TMEM163: variants seen among roughly 807,000 people sequenced by gnomAD.
TMEM163 encodes transmembrane protein 163.
A neutral mutation model predicts 29.3 loss-of-function variants in TMEM163; 17 were observed. The observed-to-expected ratio is 0.58, with a 90% CI of 0.40 to 0.87. The LOEUF (loss-of-function observed/expected upper bound fraction) is 0.87, where lower values mean the gene tolerates loss of function less well. Ranked by LOEUF, TMEM163 falls within the 40% of genes least tolerant of loss-of-function variation. The pLI is 0.00. For synonymous variants in TMEM163, 157 were observed against 160.6 expected (o/e 0.98, Z 0.17); for missense variants, 303 against 381.5 (o/e 0.79, Z 1.71).
At chr2:134,578,641 A>G (rs1209127419) in intron 2 of TMEM163, among the ~76,000 whole-genome samples, 1 of 152,218 alleles carries the variant, frequency 6.6e-6, no homozygotes, top group Admixed American at 6.5e-5. Context: ...AATACTAACA[A>G]GCAGCTGTGA....
intron 2 of TMEM163, among the ~76,000 whole-genome samples, chr2:134,682,986 C>T (rs1273731547): frequency 5.3e-5 from 8 of 152,038 alleles, no homozygotes; most frequent in Non-Finnish European, 1.0e-4. Context: ...GAACCGTAAA[C>T]GCATATTGCA....
At position 134,466,095 on chromosome 2, in the gene TMEM163, G is replaced by A. The variant is rs779435400; in HGVS notation, c.667+19C>T. On this transcript the variant is annotated intron_variant, in intron 6 of 7. Transcript: ENST00000281924. ...TGTGAGCCCAGCCCCCAGAGATTAG[G>A]CACCCTGGCCTTACTCACCATCTGT... 6.3e-7 allele frequency: 1 copy of A among 1,582,708 alleles called. No individual in the cohort carries two copies. The highest frequency in any genetic ancestry group is 8.6e-7 in the Non-Finnish European group (1 of 1,156,610).
At chr2:134,482,030 T>C (rs1679203924) in intron 5 of TMEM163, among the ~76,000 whole-genome samples, 2 of 152,178 alleles carry the variant, frequency 1.3e-5, no homozygotes, top group African/African-American at 2.4e-5. Context: ...TGAGCATCTG[T>C]AAATAAAATT....
At chr2:134,595,123 T>TTATTTTTATTTATA (rs1682042021) in intron 2 of TMEM163, among the ~76,000 whole-genome samples, 1 of 151,808 alleles carries the variant, frequency 6.6e-6, no homozygotes, top group Non-Finnish European at 1.5e-5. Context: ...TATATATATT[T>TTATTTTTATTTATA]TTTATTACAC....
intron 4 of TMEM163, among the ~76,000 whole-genome samples, chr2:134,512,431 C>A (rs1471845524): frequency 6.6e-6 from 1 of 152,184 alleles, no homozygotes; most frequent in East Asian, 1.9e-4. Flanking sequence ...TGCACTCTAG[C>A]CTGGGCAACA....
intron 5 of TMEM163, among the ~76,000 whole-genome samples, chr2:134,490,729 A>G (rs559114222): frequency 6.6e-6 from 1 of 152,308 alleles, no homozygotes; most frequent in African/African-American, 2.4e-5. Context: ...CATGGCTCCT[A>G]TGATAGATGG....
intron 2 of TMEM163, among the ~76,000 whole-genome samples, chr2:134,575,716 GA>G (rs1681537105): frequency 1.3e-5 from 2 of 152,172 alleles, no homozygotes; most frequent in South Asian, 4.1e-4. Context: ...TCCTAAACAG[GA>G]TCTGGTTTCA....
At chr2:134,461,230 A>G (rs1686527672) in intron 6 of TMEM163, among the ~76,000 whole-genome samples, 6 of 152,236 alleles carry the variant, frequency 3.9e-5, no homozygotes, top group Non-Finnish European at 1.5e-5. Context: ...CATCCTGATT[A>G]CAGCTCCACC....
intron 5 of TMEM163, chr2:134,467,512 C>T (rs994754147): frequency 4.6e-5 from 7 of 152,218 alleles, no homozygotes; most frequent in African/African-American, 1.7e-4. Context: ...AATCCATAAC[C>T]TCATTTTAAC....
At position 134,569,398 on chromosome 2, in the gene TMEM163, C is replaced by T. The variant is rs201203598; in HGVS notation, c.323-17307G>A. 4.6e-5 allele frequency among the ~76,000 whole-genome samples: 7 copies of T among 152,258 alleles called. No individual in the cohort carries two copies. In the East Asian group the frequency reaches 1.2e-3, roughly 25 times the overall value. On this transcript the variant is annotated intron_variant, in intron 2 of 7. Transcript: ENST00000281924. ...CACCCCCACATCATTTCAATCAGAA[C>T]GACTTCTTTATCATTTCCATTAGGA...
intron 4 of TMEM163, among the ~76,000 whole-genome samples, chr2:134,543,838 T>C (rs927172276): frequency 1.3e-5 from 2 of 152,236 alleles, no homozygotes; most frequent in African/African-American, 2.4e-5. Context: ...AAAGGACTTA[T>C]GCCTCTCTCA....
intron 4 of TMEM163, among the ~76,000 whole-genome samples, chr2:134,546,978 C>A (rs1453685839): frequency 6.6e-6 from 1 of 152,048 alleles, no homozygotes; most frequent in Non-Finnish European, 1.5e-5. Flanking sequence ...TATGAAGTAT[C>A]TAAAGCAGTC....
intron 5 of TMEM163, among the ~76,000 whole-genome samples, chr2:134,502,348 G>A (rs957520212): frequency 6.6e-6 from 1 of 152,146 alleles, no homozygotes; most frequent in African/African-American, 2.4e-5. Context: ...CACTCATAAG[G>A]GGAGGGAGGG....
At chr2:134,644,532 A>G (rs1184103218) in intron 2 of TMEM163, among the ~76,000 whole-genome samples, 3 of 152,188 alleles carry the variant, frequency 2.0e-5, no homozygotes, top group Non-Finnish European at 4.4e-5. Context: ...TGTTAGAACA[A>G]CCAAACATTC....
intron 5 of TMEM163, among the ~76,000 whole-genome samples, chr2:134,470,381 C>T (rs1238433061): frequency 1.3e-5 from 2 of 150,678 alleles, no homozygotes; most frequent in African/African-American, 2.4e-5. Context: ...AAACTTCATA[C>T]GGATGTGTCA....
intron 2 of TMEM163, among the ~76,000 whole-genome samples, chr2:134,657,859 G>A (rs72970177): frequency 0.044 from 6,626 of 152,122 alleles, 489 homozygotes; most frequent in African/African-American, 0.15. Context: ...ACTAGAGGGC[G>A]TGGGCGGGAG....
At chr2:134,700,593 G>A (rs1684678013) in intron 2 of TMEM163, among the ~76,000 whole-genome samples, 1 of 152,070 alleles carries the variant, frequency 6.6e-6, no homozygotes, top group African/African-American at 2.4e-5. Context: ...AAGAACAGAG[G>A]GGTGTTTTTA....
At chr2:134,499,012 G>A (rs1197905610) in intron 5 of TMEM163, among the ~76,000 whole-genome samples, 1 of 152,198 alleles carries the variant, frequency 6.6e-6, no homozygotes, top group African/African-American at 2.4e-5. Flanking sequence ...CTCGAGCAAA[G>A]GATAAGCTTG....
chr2:134,699,944 T>G (rs1684662219), intron 2 of TMEM163, among the ~76,000 whole-genome samples: 1 of 152,238 alleles, frequency 6.6e-6, no homozygotes, highest in African/African-American at 2.4e-5. Context: ...ATCTTGTTAT[T>G]ATTTGCCAGA....
Sources: allele counts gnomAD v4.1 joint callset (sites outside exome capture counted in the v4.1 genomes callset), GRCh38; gene constraint gnomAD v4.1.1; transcripts MANE v1.5; gene names NCBI Gene and HGNC (gene_info 2026-07-23, HGNC 2026-07-21).